LDLRAD3: variants seen among roughly 807,000 people sequenced by gnomAD.
LDLRAD3 encodes low density lipoprotein receptor class A domain containing 3, also known as low-density lipoprotein receptor class A domain-containing protein 3.
A neutral mutation model predicts 29.4 loss-of-function variants in LDLRAD3; 20 were observed. The observed-to-expected ratio is 0.68, with a 90% confidence interval of 0.48 to 0.99. The LOEUF (loss-of-function observed/expected upper bound fraction) is 0.99. LDLRAD3 is among the 50% of genes least tolerant of loss of function. The pLI is 0.00. For synonymous variants in LDLRAD3, 157 were observed against 192.7 expected, an observed-to-expected ratio of 0.81 and a Z score of 1.53; for missense variants, 420 against 454.3, an observed-to-expected ratio of 0.92 and a Z score of 0.69.
At chr11:36,217,265 A>G (rs1249697698) in intron 4 of LDLRAD3, among the ~76,000 whole-genome samples, 1 of 152,206 alleles carries the variant, frequency 6.6e-6, no homozygotes, top group East Asian at 1.9e-4. Context: ...ACCAATATCA[A>G]AAAACACTGT....
chr11:36,183,831 A>T (rs12791048), intron 4 of LDLRAD3, among the ~76,000 whole-genome samples: 7,337 of 152,100 alleles, frequency 0.048, 576 homozygotes, highest in African/African-American at 0.16. Flanking sequence ...TTGAGCTATC[A>T]TTCAGTTCAT....
intron 3 of LDLRAD3, 85 bp downstream of exon 3, chr11:36,081,863 C>T: frequency 6.7e-7 from 1 of 1,488,746 alleles, no homozygotes; most frequent in Non-Finnish European, 9.2e-7. Flanking sequence ...TCATCATGTG[C>T]TTCTTATACC....
intron 4 of LDLRAD3, among the ~76,000 whole-genome samples, chr11:36,170,839 G>T (rs913800694): frequency 1.4e-5 from 2 of 144,740 alleles, no homozygotes; most frequent in African/African-American, 2.6e-5. Flanking sequence ...GTCTCCCTCT[G>T]TTGCCAGGTT....
chr11:36,098,807 C>G (rs373087217), intron 4 of LDLRAD3, among the ~76,000 whole-genome samples: 1 of 152,176 alleles, frequency 6.6e-6, no homozygotes, highest in South Asian at 2.1e-4. Flanking sequence ...GTTTCTTTCC[C>G]TTGAATTACT....
chr11:35,951,335 A>T (rs1851132929), intron 1 of LDLRAD3, among the ~76,000 whole-genome samples: 3 of 152,058 alleles, frequency 2.0e-5, no homozygotes, highest in Admixed American at 6.5e-5. Context: ...GCTTGTCTCT[A>T]TTTGTAGTTT....
intron 4 of LDLRAD3, among the ~76,000 whole-genome samples, chr11:36,131,489 A>G (rs1042033743): frequency 2.0e-5 from 3 of 152,216 alleles, no homozygotes; most frequent in Non-Finnish European, 4.4e-5. Context: ...AGAATACATT[A>G]TACCAGAGTA....
At chr11:36,180,070 T>C (rs563601775) in intron 4 of LDLRAD3, among the ~76,000 whole-genome samples, 17 of 152,304 alleles carry the variant, frequency 1.1e-4, no homozygotes, top group Non-Finnish European at 2.4e-4. Context: ...TCAGGGTAGA[T>C]GCTGTGTCAG....
At chr11:36,035,914 C>A (rs1288867643) in intron 1 of LDLRAD3, among the ~76,000 whole-genome samples, 189 bp from the exon 2 acceptor site, 1 of 152,206 alleles carries the variant, frequency 6.6e-6, no homozygotes, top group African/African-American at 2.4e-5. Flanking sequence ...CCATTTAGTC[C>A]TCTCAGAATC....
intron 4 of LDLRAD3, among the ~76,000 whole-genome samples, chr11:36,184,461 C>T (rs12291497): frequency 0.048 from 7,347 of 152,218 alleles, 576 homozygotes; most frequent in African/African-American, 0.16. Flanking sequence ...TCATGGTATC[C>T]TGGATCCTCC....
intron 2 of LDLRAD3, among the ~76,000 whole-genome samples, chr11:36,038,400 T>C (rs755561469): frequency 4.8e-4 from 73 of 152,180 alleles, no homozygotes; most frequent in Non-Finnish European, 9.7e-4. Context: ...TTTTGAGATA[T>C]GGTGTATATT....
chr11:35,995,006 A>G (rs553513280), intron 1 of LDLRAD3, among the ~76,000 whole-genome samples: 6 of 152,168 alleles, frequency 3.9e-5, no homozygotes, highest in African/African-American at 1.2e-4. Context: ...CCTAAAAGTC[A>G]TTTGTGAGGG....
intron 4 of LDLRAD3, among the ~76,000 whole-genome samples, chr11:36,171,222 A>G (rs1483865806): frequency 1.3e-5 from 2 of 152,154 alleles, no homozygotes; most frequent in African/African-American, 4.8e-5. Context: ...ATAGTTTGCA[A>G]AGATTTTCTC....
intron 4 of LDLRAD3, among the ~76,000 whole-genome samples, chr11:36,138,731 A>T (rs991786249): frequency 2.0e-5 from 3 of 152,230 alleles, no homozygotes; most frequent in African/African-American, 7.2e-5. Context: ...TTGTCAGAAC[A>T]TGTGATGCTT....
intron 4 of LDLRAD3, among the ~76,000 whole-genome samples, chr11:36,206,869 G>A (rs1212238893): frequency 2.6e-5 from 4 of 151,746 alleles, no homozygotes; most frequent in African/African-American, 9.7e-5. Context: ...TGGATTACAG[G>A]CGCCCCCGCC....
rs569604014 is a variant in LDLRAD3 at position 36,130,525 on chromosome 11, A to G, written c.454+32064A>G. On this transcript the variant is annotated intron_variant, in intron 4 of 5. Transcript: ENST00000315571. ...GCTTCCTTGCCCAGATGAAGCCTGA[A>G]TGACTCGCAGGGCTGGGGCAAGCTG... is the stretch of plus-strand genomic sequence containing the variant. Among the ~76,000 whole-genome samples, 4 of 152,296 alleles carry G rather than the reference A, an allele frequency of 2.6e-5. No individual in the cohort carries two copies. In the South Asian group the frequency reaches 8.3e-4, roughly 32 times the overall value.
intron 4 of LDLRAD3, among the ~76,000 whole-genome samples, chr11:36,170,187 T>C (rs1189202197): frequency 2.6e-5 from 4 of 151,914 alleles, no homozygotes; most frequent in Admixed American, 2.0e-4. Flanking sequence ...GGTTGTTGCA[T>C]ATGCCATTAT....
chr11:36,071,837 C>T (rs970905808), intron 2 of LDLRAD3, among the ~76,000 whole-genome samples: 4 of 152,186 alleles, frequency 2.6e-5, no homozygotes, highest in African/African-American at 7.2e-5. Context: ...TCCCAGGCTC[C>T]ACCCCAGACC....
intron 4 of LDLRAD3, among the ~76,000 whole-genome samples, chr11:36,175,726 A>G (rs577810959): frequency 5.9e-5 from 9 of 152,318 alleles, no homozygotes; most frequent in Admixed American, 2.0e-4. Flanking sequence ...TTTGTGGCCT[A>G]TTATATGGTC....
Position 35,969,232 on chromosome 11 carries a change from C to G in LDLRAD3, c.46+25088C>G, listed in dbSNP as rs546836688. On this transcript the variant is annotated intron_variant, in intron 1 of 5. Coordinates refer to ENST00000315571, the MANE Select transcript of LDLRAD3 (RefSeq NM_174902.4). Reference sequence around the variant, plus strand: ...CTTCTCTGCTCACGCTGGTGTGAACCCCAAGGGGCTTCCCCTGAAAACTCA... The same window carrying G: ...CTTCTCTGCTCACGCTGGTGTGAACGCCAAGGGGCTTCCCCTGAAAACTCA... Among the ~76,000 whole-genome samples, 336 of 152,254 alleles carry G rather than the reference C, an allele frequency of 2.2e-3. 2 individuals are homozygous for G. Among genetic ancestry groups the G allele is most frequent in the African/African-American group, 7.7e-3 (320 of 41,566 alleles).
Sources: allele counts gnomAD v4.1 joint callset (sites outside exome capture counted in the v4.1 genomes callset), GRCh38; gene constraint gnomAD v4.1.1; transcripts MANE v1.5; gene names NCBI Gene and HGNC (gene_info 2026-07-23, HGNC 2026-07-21).